CEP128: variants seen among roughly 807,000 people sequenced by gnomAD.
CEP128 encodes the protein centrosomal protein 128, also known as centrosomal protein 128kDa.
Under a neutral mutation model 156.7 loss-of-function variants are expected in CEP128, and 132 were observed. The ratio of observed to expected loss-of-function variants is 0.84; its 90% CI spans 0.73 to 0.97. The LOEUF is 0.97. Among genes scored for constraint, CEP128 ranks in the 50% least tolerant of loss-of-function variants. The pLI is 0.00. For missense variants in CEP128, 1,252 were observed against 1,281.9 expected (o/e 0.98, Z 0.36); for synonymous variants, 469 against 448.9 (o/e 1.04, Z -0.57).
intron 6 of CEP128, among the ~76,000 whole-genome samples, chr14:80,900,351 A>T (rs1439026283): frequency 6.6e-6 from 1 of 152,192 alleles, no homozygotes; most frequent in East Asian, 1.9e-4. Flanking sequence ...GAAGGAGAAA[A>T]CCGGTCTGCC....
intron 19 of CEP128, among the ~76,000 whole-genome samples, chr14:80,692,010 C>T (rs971816713): frequency 1.3e-5 from 2 of 152,052 alleles, no homozygotes; most frequent in Non-Finnish European, 2.9e-5. Context: ...AGGCTGGATG[C>T]AAGGGGCACT....
At chr14:80,736,455 A>C (rs889571454) in intron 19 of CEP128, among the ~76,000 whole-genome samples, 1 of 152,148 alleles carries the variant, frequency 6.6e-6, no homozygotes, top group Non-Finnish European at 1.5e-5. Context: ...AGAAAATCTA[A>C]GAATTCACAT....
At chr14:80,591,864 G>T (rs1395584987) in intron 19 of CEP128, among the ~76,000 whole-genome samples, 1 of 152,040 alleles carries the variant, frequency 6.6e-6, no homozygotes, top group African/African-American at 2.4e-5. Flanking sequence ...ACTCAAAACC[G>T]TACAACTACA....
intron 19 of CEP128, among the ~76,000 whole-genome samples, chr14:80,735,274 C>CTT (rs1898475767): frequency 6.6e-6 from 1 of 152,156 alleles, no homozygotes; most frequent in Non-Finnish European, 1.5e-5. Context: ...GGACTGTCTC[C>CTT]ATTTCGGGTT....
chr14:80,855,771 A>AT (rs779743910), intron 9 of CEP128, among the ~76,000 whole-genome samples: 39 of 152,284 alleles, frequency 2.6e-4, no homozygotes, highest in Non-Finnish European at 5.1e-4. Context: ...AGGTTAGAAT[A>AT]TTTGCCTGAC....
intron 14 of CEP128, among the ~76,000 whole-genome samples, chr14:80,788,393 AT>A (rs1172455369): frequency 6.6e-6 from 1 of 151,104 alleles, no homozygotes; most frequent in Non-Finnish European, 1.5e-5. Context: ...GGGGTTCCAA[AT>A]TATCAGACTC....
At chr14:80,947,267 G>A (rs892372631) in intron 2 of CEP128, among the ~76,000 whole-genome samples, 8 of 151,892 alleles carry the variant, frequency 5.3e-5, no homozygotes. Context: ...TTTTCACCTT[G>A]GCTCTCTCCT....
intron 22 of CEP128, chr14:80,527,346 G>A: frequency 5.9e-6 from 2 of 337,642 alleles, no homozygotes; most frequent in South Asian, 5.1e-5. Flanking sequence ...GGGAGAATGA[G>A]GATTGCTTGA....
intron 19 of CEP128, among the ~76,000 whole-genome samples, chr14:80,698,240 T>C (rs947159412): frequency 3.3e-4 from 50 of 152,062 alleles, no homozygotes; most frequent in African/African-American, 1.0e-3. Flanking sequence ...CTTTTAAACA[T>C]TGAACACAGT....
In CEP128 at chr14:80,643,709, C is replaced by CAAAAAA. The variant is rs33912853; in HGVS notation, c.2807-63292_2807-63287dup. Among the ~76,000 whole-genome samples the CAAAAAA allele has an allele frequency of 3.4e-3, 490 of 145,642 alleles. 4 individuals are homozygous for CAAAAAA. The highest frequency in any genetic ancestry group is 9.8e-3 in the African/African-American group (395 of 40,274). On this transcript the variant is annotated intron_variant, in intron 19 of 24. Transcript: ENST00000555265. The stretch of plus-strand genomic sequence containing the variant: ...TGGGCATCAGAGCAAGACTCCATCT[C>CAAAAAA]AAAAAAATCGTGGTGGTACATGGAA...
intron 19 of CEP128, chr14:80,742,862 G>A (rs1898902692): frequency 3.8e-6 from 2 of 524,182 alleles, no homozygotes; most frequent in South Asian, 2.4e-5. Flanking sequence ...GCCAGTAAAT[G>A]CAGTTATCAT....
intron 21 of CEP128, among the ~76,000 whole-genome samples, chr14:80,550,812 TAAA>T (rs35063739): frequency 9.7e-4 from 133 of 137,158 alleles, no homozygotes; most frequent in African/African-American, 1.9e-3. Flanking sequence ...ATGTGAAATG[TAAA>T]AAAAAAAAAA....
At chr14:80,553,138 G>A (rs1272177007) in intron 21 of CEP128, among the ~76,000 whole-genome samples, 1 of 150,364 alleles carries the variant, frequency 6.7e-6, no homozygotes, top group Non-Finnish European at 1.5e-5. Flanking sequence ...GTGCAGATTT[G>A]TTACATAGGT....
rs570508787 is a variant in CEP128, at chr14:80,566,074, T to C, written c.2857-6772A>G. Among the ~76,000 whole-genome samples, 192 of 152,276 alleles carry C rather than the reference T, an allele frequency of 1.3e-3. 1 individual carries two copies. The highest frequency in any genetic ancestry group is 4.5e-3 in the African/African-American group (188 of 41,572). On this transcript the variant is annotated intron_variant, in intron 20 of 24. Coordinates refer to ENST00000555265, the MANE Select transcript of CEP128 (RefSeq NM_152446.5). ...GGACTTAGGGACCATGATGGACATA[T>C]ACTTTTCAAAAAGAAAAACCCACAT... is the stretch of plus-strand genomic sequence containing the variant.
At chr14:80,893,508 C>CAAA (rs55840549) in intron 8 of CEP128, among the ~76,000 whole-genome samples, 31 of 140,302 alleles carry the variant, frequency 2.2e-4, no homozygotes, top group African/African-American at 6.4e-4. Flanking sequence ...CAAACCAAAA[C>CAAA]AAAAAAAAAA....
chr14:80,701,465 C>G (rs1202514520), intron 19 of CEP128, among the ~76,000 whole-genome samples: 1 of 152,110 alleles, frequency 6.6e-6, no homozygotes, highest in East Asian at 1.9e-4. Flanking sequence ...CAAATGCCAA[C>G]AGAACAACCA....
At chr14:80,849,253 A>G (rs1886767439) in intron 9 of CEP128, among the ~76,000 whole-genome samples, 1 of 152,216 alleles carries the variant, frequency 6.6e-6, no homozygotes, top group East Asian at 1.9e-4. Flanking sequence ...ACATTATAAG[A>G]TGAACCACAC....
intron 8 of CEP128, among the ~76,000 whole-genome samples, chr14:80,873,935 A>T (rs1403302096): frequency 2.0e-5 from 3 of 152,144 alleles, no homozygotes; most frequent in African/African-American, 7.2e-5. Context: ...CATCCATGTA[A>T]GACCTGGCTT....
chr14:80,497,276 C>T lies in CEP128; in HGVS notation c.*203G>A. On this transcript the variant is annotated 3_prime_UTR_variant, in exon 25 of 25. Coordinates refer to ENST00000555265, the MANE Select transcript of CEP128 (RefSeq NM_152446.5). ...ATAAGTTGCAAATAAATTAGCTGCA[C>T]ATCATTCATGATCTGATATTATTTG... 4.4e-6 allele frequency: 2 copies of T among 459,168 alleles called. No homozygotes were observed. The highest frequency in any genetic ancestry group is 7.6e-6 in the Non-Finnish European group (2 of 262,488). 28.4% of individuals were successfully genotyped at this position (459,168 alleles called of 1,614,324 possible).
Sources: allele counts gnomAD v4.1 joint callset (sites outside exome capture counted in the v4.1 genomes callset), GRCh38; gene constraint gnomAD v4.1.1; transcripts MANE v1.5; gene names NCBI Gene and HGNC (gene_info 2026-07-23, HGNC 2026-07-21).